PEG3: variants seen among roughly 807,000 people sequenced by gnomAD.
The protein encoded by PEG3 is paternally expressed 3.
A neutral mutation model predicts 35.5 loss-of-function variants in PEG3; 23 were observed. The observed-to-expected ratio is 0.65, with a 90% CI of 0.47 to 0.92. The LOEUF is 0.92. Among genes scored for constraint, PEG3 ranks in the 40% least tolerant of loss-of-function variants. The pLI is 0.00. For synonymous variants in PEG3, 707 were observed against 697.0 expected (o/e 1.01, Z -0.23); for missense variants, 1,960 against 1,985.3 (o/e 0.99, Z 0.24).
chr19:56,822,151 T>C (rs1389741357), intron 6 of PEG3, among the ~76,000 whole-genome samples: 1 of 152,232 alleles, frequency 6.6e-6, no homozygotes, highest in African/African-American at 2.4e-5. Flanking sequence ...ATGCCTATTG[T>C]GTTGTGAACC....
chr19:56,824,117 A>G, intron 4 of PEG3, 145 bp downstream of exon 4: 1 of 1,362,038 alleles, frequency 7.3e-7, no homozygotes. Context: ...ATGCAGCTCA[A>G]TATCCCACAG....
intron 1 of PEG3, among the ~76,000 whole-genome samples, chr19:56,838,522 G>T (rs2062483362): frequency 6.6e-6 from 1 of 152,000 alleles, no homozygotes; most frequent in Non-Finnish European, 1.5e-5. Context: ...CCACTAAGCC[G>T]CCCCCATACA....
intron 2 of PEG3, among the ~76,000 whole-genome samples, chr19:56,828,063 AC>A (rs963942724): frequency 7.2e-5 from 11 of 152,340 alleles, no homozygotes; most frequent in African/African-American, 2.4e-4. Context: ...CAAAGTTAAA[AC>A]AAAACAATAA....
In PEG3 at chr19:56,813,911, T is replaced by C. The variant is rs377425701; in HGVS notation, c.4531A>G (p.Thr1511Ala). 10 of 1,614,204 alleles carry C rather than the reference T, an allele frequency of 6.2e-6. No homozygotes were observed. Among genetic ancestry groups the C allele is most frequent in the Non-Finnish European group, 8.5e-6 (10 of 1,180,014 alleles). ...EEPYYDCHECTETFTSSTAFS... is the reference protein window; with the variant it reads ...EEPYYDCHECAETFTSSTAFS... ...GCTGTGCTGGAAGTGAAGGTTTCTG[T>C]GCATTCATGGCAGTCATAGTATGGT... The change falls in exon 10 of 10, where the codon ACA becomes GCA. Residue 1511 changes from threonine (T) to alanine (A), a missense_variant. By Grantham distance (58) the Thr-to-Ala change is moderately conservative. Transcript: ENST00000326441.
Position 56,816,049 on chromosome 19 carries a change from T to G in PEG3, c.2393A>C (p.Lys798Thr). The change falls in exon 10 of 10, where the codon AAA becomes ACA. Residue 798 changes from lysine to threonine, a missense_variant. Around this residue, in one of 5 missense-constraint regions of PEG3, gnomAD observed 798 missense variants for 782.4 expected, o/e 1.02. Coordinates refer to ENST00000326441, the MANE Select transcript of PEG3 (RefSeq NM_006210.3). ...QKSHSVAGPS[K>T]PKVMAESTIQ... ...GGTAGACTCTGCCATTACTTTTGGT[T>G]TACTGGGCCCTGCTACACTGTGACT... 6.3e-7 allele frequency: 1 copy of G among 1,598,416 alleles called. No individual in the cohort carries two copies. The highest frequency in any genetic ancestry group is 8.5e-7 in the Non-Finnish European group (1 of 1,172,604).
In PEG3 at chr19:56,817,698, CA is replaced by C. The variant is rs758974767; in HGVS notation, c.862+47del. 17 of 1,566,772 alleles carry C rather than the reference CA, an allele frequency of 1.1e-5. No individual in the cohort carries two copies. The Admixed American group carries it at 2.7e-4, about 25-fold the overall frequency. ...GCAAAGTGTAGAAGTTCCTTGATAG[CA>C]TCTCACTGGTTGTGTGGCTCCTCTG... On this transcript the variant is annotated intron_variant, in intron 9 of 9. Transcript: ENST00000326441.
rs761123040 is a variant in PEG3 at position 56,814,364 on chromosome 19, C to T, written c.4078G>A (p.Glu1360Lys). ...HKELHLEEEE[E>K]DEAAAAAAAA... is the part of the protein sequence containing the mutation. ...GCTGCAGCTGCTGCTGCTTCATCTT[C>T]TTCTTCTTCTTCCAGATGAAGCTCC... The change falls in exon 10 of 10, where the codon GAA (glutamate) becomes AAA (lysine). Residue 1360 changes from glutamate to lysine, a missense_variant. Physicochemically the swap from Glu to Lys is moderately conservative, Grantham distance 56. Coordinates refer to ENST00000326441, the MANE Select transcript of PEG3 (RefSeq NM_006210.3). This position sits in a 1 kb window ranked among gnomAD's most constrained non-coding sequence, Gnocchi z 5.8. The T allele has an allele frequency of 1.2e-6, 2 of 1,613,868 alleles. No homozygotes were observed. Among genetic ancestry groups the T allele is most frequent in the East Asian group, 2.2e-5 (1 of 44,882 alleles).
At chr19:56,832,387 G>A (rs1468205821) in intron 2 of PEG3, among the ~76,000 whole-genome samples, 1 of 151,954 alleles carries the variant, frequency 6.6e-6, no homozygotes, top group East Asian at 1.9e-4. Flanking sequence ...CACAGAGGGG[G>A]CTAACACGCA....
Position 56,814,025 on chromosome 19 carries a change from C to A in PEG3, c.4417G>T (p.Glu1473Ter), listed in dbSNP as rs778184535. ...ERAEEPEGKA[E>*]EPEGDADEPD... is the part of the protein sequence containing the mutation. ...TCGTCGGCATCTCCCTCTGGCTCTT[C>A]AGCTTTTCCCTCTGGCTCTTCAGCT... is the stretch of plus-strand genomic sequence containing the variant. Residue 1473 changes from glutamate (E) to a stop codon, truncating the protein, a stop_gained, in exon 10 of 10, where the codon GAA becomes TAA. Transcript: ENST00000326441. LOFTEE classifies it low-confidence loss of function (END_TRUNC). This position sits in a 1 kb window ranked among gnomAD's most constrained non-coding sequence, Gnocchi z 5.8. 1 of 1,613,350 alleles carries A rather than the reference C, an allele frequency of 6.2e-7. No individual in the cohort carries two copies. Among genetic ancestry groups the A allele is most frequent in the Non-Finnish European group, 8.5e-7 (1 of 1,179,340 alleles).
Position 56,817,846 on chromosome 19 carries a change from C to T in PEG3, c.773-11G>A, listed in dbSNP as rs1420760015. The T allele has an allele frequency of 1.9e-6, 3 of 1,611,550 alleles. No homozygotes were observed. In the South Asian group the frequency reaches 3.3e-5, roughly 18 times the overall value. On this transcript the variant is annotated splice_polypyrimidine_tract_variant and intron_variant, in intron 8 of 9. Transcript: ENST00000326441. ...CTTCAGCAAGCTGCACTCCTGGTCA[C>T]AAGGACAATATGATGCCTCAAATTC... is the stretch of plus-strand genomic sequence containing the variant.
Position 56,813,821 on chromosome 19 carries a change from C to G in PEG3, c.4621G>C (p.Glu1541Gln), listed in dbSNP as rs1258554070. ...IIFEPANAFG[E>Q]CSGYIERAST... ...GCACGTTCGATGTAGCCTGAGCACT[C>G]CCCAAAGGCATTTGCAGGCTCAAAT... The change falls in exon 10 of 10, where the codon GAG becomes CAG. Residue 1541 changes from glutamate to glutamine, a missense_variant. Around this residue, in one of 5 missense-constraint regions of PEG3, gnomAD observed 416 missense variants for 416.7 expected, o/e 1.00. Coordinates refer to ENST00000326441, the MANE Select transcript of PEG3 (RefSeq NM_006210.3). The G allele has an allele frequency of 6.2e-7, 1 of 1,614,144 alleles. No individual in the cohort carries two copies. The highest frequency in any genetic ancestry group is 1.7e-5 in the Admixed American group (1 of 60,024).
rs2059915187 is a variant in PEG3, at chr19:56,815,679, T to C, written c.2763A>G (p.Glu921=). ...EGSGEFKKDG[E]FSVPSSNVRE... ...GGACATTTGAGCTGGGAACAGAGAA[T>C]TCGCCATCCTTCTTAAACTCACCAG... is the stretch of plus-strand genomic sequence containing the variant. The change falls in exon 10 of 10, where the codon GAA becomes GAG. Residue 921 remains glutamate, a synonymous_variant. Coordinates refer to ENST00000326441, the MANE Select transcript of PEG3 (RefSeq NM_006210.3). 6.2e-7 allele frequency: 1 copy of C among 1,614,078 alleles called. No individual in the cohort carries two copies. Among genetic ancestry groups the C allele is most frequent in the African/African-American group, 1.3e-5 (1 of 74,942 alleles).
chr19:56,829,799 A>G (rs1198781839), intron 2 of PEG3, among the ~76,000 whole-genome samples: 2 of 152,220 alleles, frequency 1.3e-5, no homozygotes, highest in Non-Finnish European at 2.9e-5. Context: ...CTGACTGGGG[A>G]AGACCAGATC....
intron 1 of PEG3, among the ~76,000 whole-genome samples, chr19:56,837,259 A>C (rs1229967194): frequency 1.3e-5 from 2 of 151,660 alleles, no homozygotes; most frequent in Non-Finnish European, 2.9e-5. Context: ...CCCTTTAAAC[A>C]CACCCCCACC....
At chr19:56,829,376 A>G (rs1411495340) in intron 2 of PEG3, among the ~76,000 whole-genome samples, 1 of 151,712 alleles carries the variant, frequency 6.6e-6, no homozygotes, top group Non-Finnish European at 1.5e-5. Context: ...GCTGCACACT[A>G]TGGTTTAACC....
At position 56,814,321 on chromosome 19, in the gene PEG3, ACTTCCTGGGCTGCTGCTGCTGCAG is replaced by A. The variant is rs770995708; in HGVS notation, c.4097_4120del (p.Ala1366_Glu1373del). On this transcript the variant is annotated inframe_deletion, in exon 10 of 10. Coordinates refer to ENST00000326441, the MANE Select transcript of PEG3 (RefSeq NM_006210.3). This position sits in a 1 kb window ranked among gnomAD's most constrained non-coding sequence, Gnocchi z 5.8. ...TTGTGGAACATGGACATTGGCTTCAACTTCCTGGGCTGCTGCTGCTGCAGCTGCTGCTGCTTCATCTTCTTCTTC... is the reference window on the plus strand; with the variant it reads ...TTGTGGAACATGGACATTGGCTTCAACTGCTGCTGCTTCATCTTCTTCTTC... 4.3e-6 allele frequency: 7 copies of A among 1,613,958 alleles called. No homozygotes were observed. The highest frequency in any genetic ancestry group is 5.9e-6 in the Non-Finnish European group (7 of 1,179,992).
At chr19:56,824,888 C>T in intron 3 of PEG3, 147 bp from the exon 4 acceptor site, 1 of 506,566 alleles carries the variant, frequency 2.0e-6, no homozygotes, top group South Asian at 3.0e-5. Context: ...TTGGCCTCAG[C>T]ACAGCAGTTA....
Position 56,815,874 on chromosome 19 carries a change from A to T in PEG3, c.2568T>A (p.Asn856Lys), listed in dbSNP as rs1361606672. Residue 856 changes from asparagine (N) to lysine (K), a missense_variant, in exon 10 of 10, where the codon AAT (asparagine) becomes AAA (lysine). Asn to Lys is a moderately conservative substitution (Grantham distance 94). Around this residue, in one of 5 missense-constraint regions of PEG3, gnomAD observed 798 missense variants for 782.4 expected, o/e 1.02. Transcript: ENST00000326441. ...SHNGNELVES[N>K]EKGESSIYIS... ...TATAAATGGAGGATTCTCCCTTCTC[A>T]TTAGATTCCACCAATTCATTTCCAT... The T allele has an allele frequency of 1.9e-6, 3 of 1,613,306 alleles. No homozygotes were observed. The African/African-American group carries it at 4.0e-5, about 22-fold the overall frequency.
Position 56,815,334 on chromosome 19 carries a change from G to C in PEG3, c.3108C>G (p.Phe1036Leu). 1 of 1,614,192 alleles carries C rather than the reference G, an allele frequency of 6.2e-7. No individual in the cohort carries two copies. Among genetic ancestry groups the C allele is most frequent in the African/African-American group, 1.3e-5 (1 of 75,040 alleles). The change falls in exon 10 of 10, where the codon TTC (phenylalanine) becomes TTG (leucine). Residue 1036 changes from phenylalanine (F) to leucine (L), a missense_variant. Phe to Leu is a conservative substitution (Grantham distance 22, BLOSUM62 0). Transcript: ENST00000326441. ...KEQARNKCKD[F>L]RQFFATSEDL... Reference sequence around the variant, plus strand: ...CTTCGCTGGTAGCAAAAAATTGTCTGAAGTCCTTACATTTGTTCCGCGCTT... The same window carrying C: ...CTTCGCTGGTAGCAAAAAATTGTCTCAAGTCCTTACATTTGTTCCGCGCTT...
Sources: allele counts gnomAD v4.1 joint callset (sites outside exome capture counted in the v4.1 genomes callset), GRCh38; gene constraint gnomAD v4.1.1; regional missense constraint gnomAD v4.1.1; non-coding constraint Gnocchi (gnomAD v3.1); transcripts MANE v1.5; gene names NCBI Gene and HGNC (gene_info 2026-07-23, HGNC 2026-07-21).